Variants in MAGI2 observed in about 807,000 individuals in gnomAD.
The protein encoded by MAGI2 is membrane-associated guanylate kinase, WW and PDZ domain-containing protein 2.
MAGI2 carries 35 observed loss-of-function variants against 133.3 expected under a neutral mutation model. The observed-to-expected ratio is 0.26, with a 90% CI of 0.20 to 0.35. The LOEUF is 0.35. Among genes scored for constraint, MAGI2 ranks in the 10% least tolerant of loss-of-function variants. The pLI, the probability that MAGI2 is intolerant of heterozygous loss-of-function variation, is 1.00. For synonymous variants in MAGI2, 729 were observed against 710.6 expected, an observed-to-expected ratio of 1.03 and a Z score of -0.41; for missense variants, 1,636 against 1,863.4, an observed-to-expected ratio of 0.88 and a Z score of 2.25.
chr7:78,980,291 T>G (rs1185436065), intron 2 of MAGI2, among the ~76,000 whole-genome samples: 2 of 151,868 alleles, frequency 1.3e-5, no homozygotes, highest in Non-Finnish European at 2.9e-5. Context: ...AAATCAGCTA[T>G]AATTATTATT....
At chr7:79,263,357 T>C (rs979721665) in intron 1 of MAGI2, among the ~76,000 whole-genome samples, 4 of 152,048 alleles carry the variant, frequency 2.6e-5, no homozygotes, top group Non-Finnish European at 5.9e-5. Context: ...CAACAGTTAC[T>C]CTTAGTTGCC....
chr7:79,195,012 G>A (rs985908946), intron 1 of MAGI2, among the ~76,000 whole-genome samples: 1 of 151,906 alleles, frequency 6.6e-6, no homozygotes, highest in African/African-American at 2.4e-5. Context: ...AAGTAATATT[G>A]AGTCAAATAT....
chr7:78,255,287 G>C (rs1475671118), intron 10 of MAGI2: 3 of 154,488 alleles, frequency 1.9e-5, no homozygotes, highest in Admixed American at 6.5e-5. Flanking sequence ...GGACACTCAG[G>C]CCAGAACTTC....
chr7:78,363,447 C>T (rs6466168), intron 7 of MAGI2, among the ~76,000 whole-genome samples: 79,100 of 151,406 alleles, frequency 0.52, 21,305 homozygotes, highest in Middle Eastern at 0.61. Context: ...GAGCTGAGAT[C>T]GCGCCACTGC....
chr7:78,779,781 A>G (rs1826257076), intron 2 of MAGI2, among the ~76,000 whole-genome samples: 1 of 152,144 alleles, frequency 6.6e-6, no homozygotes, highest in Non-Finnish European at 1.5e-5. Context: ...CATTACCTCA[A>G]CCTGACTCTA....
chr7:78,451,639 G>A (rs1451728115), intron 6 of MAGI2, among the ~76,000 whole-genome samples: 2 of 151,982 alleles, frequency 1.3e-5, no homozygotes, highest in Admixed American at 1.3e-4. Context: ...TGTAAAATGG[G>A]GATAATCATG....
chr7:78,259,551 C>A (rs184202637), intron 9 of MAGI2, among the ~76,000 whole-genome samples: 77 of 152,232 alleles, frequency 5.1e-4, no homozygotes, highest in Non-Finnish European at 2.2e-4. Context: ...TTGTTATATT[C>A]TTCTATAAAA....
chr7:78,220,597 T>C (rs371725012), intron 10 of MAGI2, among the ~76,000 whole-genome samples: 3 of 151,344 alleles, frequency 2.0e-5, no homozygotes, highest in East Asian at 3.8e-4. Context: ...TTATTTTTGT[T>C]AGTTTGATCA....
chr7:79,303,381 A>G (rs6466593), intron 1 of MAGI2, among the ~76,000 whole-genome samples: 84,113 of 152,002 alleles, frequency 0.55, 25,835 homozygotes, highest in Non-Finnish European at 0.68. Flanking sequence ...TAAACACTTT[A>G]GTACCTTGGG....
intron 2 of MAGI2, among the ~76,000 whole-genome samples, chr7:78,994,984 T>C (rs756806557): frequency 6.6e-6 from 1 of 152,076 alleles, no homozygotes; most frequent in Non-Finnish European, 1.5e-5. Flanking sequence ...AGAATTCAGG[T>C]TATGAAATGC....
chr7:79,340,974 C>A (rs934203602), intron 1 of MAGI2, among the ~76,000 whole-genome samples: 2 of 152,032 alleles, frequency 1.3e-5, no homozygotes, highest in East Asian at 1.9e-4. Flanking sequence ...AAGTTAGAAC[C>A]TACTGTATGA....
At chr7:78,799,265 C>G (rs997136357) in intron 2 of MAGI2, among the ~76,000 whole-genome samples, 1 of 152,122 alleles carries the variant, frequency 6.6e-6, no homozygotes, top group Non-Finnish European at 1.5e-5. Context: ...ATTCTGTACA[C>G]TGGCAGAAGT....
rs139579533 is a variant in MAGI2, at chr7:78,238,867, A to G, written c.2047+17076T>C. Among the ~76,000 whole-genome samples, 971 of 152,286 alleles carry G rather than the reference A, an allele frequency of 6.4e-3. 10 individuals are homozygous for G. Among genetic ancestry groups the G allele is most frequent in the African/African-American group, 0.022 (924 of 41,552 alleles). On this transcript the variant is annotated intron_variant, in intron 10 of 21. Coordinates refer to ENST00000354212, the MANE Select transcript of MAGI2 (RefSeq NM_012301.4). ...AAACCCAAAGTCCTTTCTCTGGCCC[A>G]TGGCTACACAAGATTCCACATTACT...
chr7:78,401,582 A>AGAGATTGCACT (rs1294989178), intron 6 of MAGI2, among the ~76,000 whole-genome samples: 17 of 152,022 alleles, frequency 1.1e-4, no homozygotes, highest in African/African-American at 4.8e-5. Context: ...ACATATATTC[A>AGAGATTGCACT]GAAGTTTTGA....
intron 10 of MAGI2, among the ~76,000 whole-genome samples, chr7:78,204,274 C>A (rs1327220844): frequency 1.3e-5 from 2 of 152,144 alleles, no homozygotes; most frequent in African/African-American, 4.8e-5. Context: ...GATCATAGGA[C>A]ACTATTCCCC....
intron 2 of MAGI2, among the ~76,000 whole-genome samples, chr7:78,860,483 G>T (rs978845189): frequency 1.3e-5 from 2 of 152,198 alleles, no homozygotes; most frequent in African/African-American, 4.8e-5. Context: ...CTCAGCTGCA[G>T]GTCTGTGGGA....
intron 2 of MAGI2, among the ~76,000 whole-genome samples, chr7:78,798,431 T>C (rs1787791626): frequency 6.6e-6 from 1 of 152,188 alleles, no homozygotes. Flanking sequence ...GTTTGTCAGA[T>C]ATTCATTTCT....
At chr7:78,712,999 T>C (rs1819345032) in intron 2 of MAGI2, among the ~76,000 whole-genome samples, 1 of 152,164 alleles carries the variant, frequency 6.6e-6, no homozygotes, top group Non-Finnish European at 1.5e-5. Flanking sequence ...GGAATTTACA[T>C]ACGAAAATGA....
chr7:79,028,800 A>G (rs1810279778), intron 1 of MAGI2, among the ~76,000 whole-genome samples: 1 of 152,124 alleles, frequency 6.6e-6, no homozygotes, highest in African/African-American at 2.4e-5. Flanking sequence ...GAGGGCTCAG[A>G]CATTACTATA....
Sources: allele counts gnomAD v4.1 joint callset (sites outside exome capture counted in the v4.1 genomes callset), GRCh38; gene constraint gnomAD v4.1.1; transcripts MANE v1.5; gene names NCBI Gene and HGNC (gene_info 2026-07-23, HGNC 2026-07-21).